The following WWOX variants were observed in gnomAD, a reference collection of about 807,000 sequenced individuals.
WWOX encodes WW domain-containing oxidoreductase.
A neutral mutation model predicts 46.2 loss-of-function variants in WWOX; 69 were observed. The observed-to-expected ratio is 1.49, with a 90% CI of 1.23 to 1.82. The LOEUF is 1.82. Among genes scored for constraint, WWOX ranks in the 40% most tolerant of loss-of-function variants. The pLI is 0.00. For missense variants in WWOX, 919 were observed against 542.6 expected, an observed-to-expected ratio of 1.69 and a Z score of -6.89; for synonymous variants, 359 against 202.6, an observed-to-expected ratio of 1.77 and a Z score of -6.56.
intron 8 of WWOX, among the ~76,000 whole-genome samples, chr16:78,536,856 A>G (rs550301522): frequency 6.6e-6 from 1 of 150,662 alleles, no homozygotes; most frequent in Admixed American, 6.6e-5. Flanking sequence ...GGACAATGAA[A>G]GTCGTTTATT....
chr16:79,086,687 C>G (rs1000553999), intron 8 of WWOX, among the ~76,000 whole-genome samples: 1 of 152,058 alleles, frequency 6.6e-6, no homozygotes, highest in Non-Finnish European at 1.5e-5. Context: ...TTGAGACCTG[C>G]TTGGGCAACA....
At chr16:78,999,419 G>A (rs913488935) in intron 8 of WWOX, among the ~76,000 whole-genome samples, 3 of 152,122 alleles carry the variant, frequency 2.0e-5, no homozygotes, top group Non-Finnish European at 4.4e-5. Flanking sequence ...GCGGTGAGCC[G>A]AGATTGCACC....
At chr16:78,161,915 G>C (rs1457140122) in intron 4 of WWOX, among the ~76,000 whole-genome samples, 2 of 151,940 alleles carry the variant, frequency 1.3e-5, no homozygotes, top group Non-Finnish European at 2.9e-5. Context: ...TCACCTCCTA[G>C]GTTAAGCATT....
At chr16:78,660,534 C>G (rs1209474206) in intron 8 of WWOX, among the ~76,000 whole-genome samples, 1 of 152,112 alleles carries the variant, frequency 6.6e-6, no homozygotes, top group African/African-American at 2.4e-5. Context: ...CACAAAACAA[C>G]TCAGGGCCTC....
chr16:78,192,323 C>A (rs140151525), intron 5 of WWOX, among the ~76,000 whole-genome samples: 2 of 151,862 alleles, frequency 1.3e-5, no homozygotes, highest in African/African-American at 4.8e-5. Context: ...GGCAAAACTC[C>A]GTCTCTACTA....
At chr16:78,328,060 G>C (rs548409495) in intron 5 of WWOX, among the ~76,000 whole-genome samples, 1 of 152,026 alleles carries the variant, frequency 6.6e-6, no homozygotes, top group East Asian at 1.9e-4. Flanking sequence ...TTTTAGTAGA[G>C]ATGACATTTT....
chr16:79,085,039 C>G (rs573027732), intron 8 of WWOX, among the ~76,000 whole-genome samples: 3 of 152,172 alleles, frequency 2.0e-5, no homozygotes, highest in African/African-American at 7.2e-5. Flanking sequence ...AATCCTCCCG[C>G]CTCAGCCTCC....
intron 5 of WWOX, among the ~76,000 whole-genome samples, chr16:78,310,892 C>A (rs1320976294): frequency 6.6e-6 from 1 of 152,176 alleles, no homozygotes; most frequent in African/African-American, 2.4e-5. Flanking sequence ...GGTAGGGGCA[C>A]CCTTGTTGTC....
chr16:78,507,756 C>A (rs528646819), intron 8 of WWOX, among the ~76,000 whole-genome samples: 10 of 152,064 alleles, frequency 6.6e-5, no homozygotes, highest in Non-Finnish European at 1.0e-4. Context: ...CTTACTGTGC[C>A]GTGTGCTGAG....
chr16:78,325,912 G>C (rs2080601368), intron 5 of WWOX, among the ~76,000 whole-genome samples: 1 of 152,252 alleles, frequency 6.6e-6, no homozygotes, highest in Non-Finnish European at 1.5e-5. Context: ...GCTATGAAAT[G>C]ATGCCCACTG....
At chr16:78,465,911 A>G (rs2084065243) in intron 8 of WWOX, among the ~76,000 whole-genome samples, 1 of 152,236 alleles carries the variant, frequency 6.6e-6, no homozygotes, top group Admixed American at 6.5e-5. Flanking sequence ...AGGATATTCC[A>G]TTTATATAAA....
At chr16:78,442,623 T>C (rs923039822) in intron 8 of WWOX, among the ~76,000 whole-genome samples, 1 of 152,162 alleles carries the variant, frequency 6.6e-6, no homozygotes, top group Non-Finnish European at 1.5e-5. Context: ...ATACCCATTC[T>C]CGTAATGATG....
intron 8 of WWOX, among the ~76,000 whole-genome samples, chr16:79,046,953 T>C (rs985793803): frequency 6.6e-6 from 1 of 152,188 alleles, no homozygotes; most frequent in African/African-American, 2.4e-5. Context: ...CCCTTCCATG[T>C]AAAAGTAACC....
intron 8 of WWOX, among the ~76,000 whole-genome samples, chr16:78,593,437 C>T (rs926451056): frequency 2.0e-5 from 3 of 152,190 alleles, no homozygotes; most frequent in African/African-American, 4.8e-5. Flanking sequence ...TGCCATGCAC[C>T]TGTCTTCCTC....
chr16:78,741,936 A>G (rs60838218), intron 8 of WWOX, among the ~76,000 whole-genome samples: 1,839 of 152,302 alleles, frequency 0.012, 28 homozygotes, highest in African/African-American at 0.041. Context: ...TTTTTTAGCA[A>G]AAGGATGTTC....
chr16:79,060,323 A>G (rs1300964278), intron 8 of WWOX, among the ~76,000 whole-genome samples: 2 of 152,230 alleles, frequency 1.3e-5, no homozygotes, highest in Non-Finnish European at 2.9e-5. Context: ...ACTGTCATGC[A>G]TTTTATAGCC....
chr16:78,634,859 T>A (rs896279540), intron 8 of WWOX, among the ~76,000 whole-genome samples: 4 of 151,622 alleles, frequency 2.6e-5, no homozygotes, highest in African/African-American at 9.7e-5. Context: ...TGTGTGTGTG[T>A]GTGTGTGTGT....
intron 8 of WWOX, among the ~76,000 whole-genome samples, chr16:78,853,546 C>G (rs540886025): frequency 3.3e-5 from 5 of 152,314 alleles, no homozygotes; most frequent in African/African-American, 1.2e-4. Context: ...TCACTGCTCT[C>G]CATTACTCAT....
intron 8 of WWOX, among the ~76,000 whole-genome samples, chr16:78,740,318 G>A (rs557641320): frequency 1.3e-5 from 2 of 152,276 alleles, no homozygotes; most frequent in African/African-American, 4.8e-5. Context: ...TACCCGTCGG[G>A]GGGCTCCTGA....
Sources: gnomAD v4.1 joint callset for allele counts (sites outside exome capture counted in the v4.1 genomes callset) on GRCh38, gnomAD v4.1.1 for gene constraint, MANE v1.5 for transcripts, NCBI Gene and HGNC (gene_info 2026-07-23, HGNC 2026-07-21) for gene names.